The following ACSS3 variants were observed in gnomAD, a reference collection of about 807,000 sequenced individuals.
ACSS3 encodes acyl-CoA synthetase short chain family member 3.
In ACSS3, 64 loss-of-function variants were observed where a neutral mutation model predicts 84.2. The observed-to-expected ratio is 0.76, with a 90% CI of 0.62 to 0.94. ACSS3 has a LOEUF of 0.94. ACSS3 is among the 40% of genes least tolerant of loss of function. The probability of loss-of-function intolerance (pLI) is 0.00; values close to 1 mark genes in which losing one functional copy is unlikely to be tolerated. For synonymous variants in ACSS3, 317 were observed against 310.1 expected (o/e 1.02, Z -0.23); for missense variants, 815 against 867.6 (o/e 0.94, Z 0.76).
intron 10 of ACSS3, among the ~76,000 whole-genome samples, chr12:81,217,700 G>A (rs1159974765): frequency 4.6e-5 from 7 of 151,970 alleles, no homozygotes; most frequent in South Asian, 4.2e-4. Context: ...AAAATTAGCC[G>A]GGTGTGGTGG....
At chr12:81,159,328 A>G (rs1887034588) in intron 7 of ACSS3, among the ~76,000 whole-genome samples, 2 of 152,180 alleles carry the variant, frequency 1.3e-5, no homozygotes, top group Admixed American at 6.5e-5. Flanking sequence ...GAAAAAAGGA[A>G]CAAAATATGC....
intron 13 of ACSS3, among the ~76,000 whole-genome samples, chr12:81,246,214 A>T (rs1485537203): frequency 6.6e-6 from 1 of 152,144 alleles, no homozygotes; most frequent in Non-Finnish European, 1.5e-5. Flanking sequence ...GGAGAAGGGA[A>T]GGGGCACACC....
At chr12:81,200,930 A>C (rs2032076932) in intron 9 of ACSS3, among the ~76,000 whole-genome samples, 1 of 151,772 alleles carries the variant, frequency 6.6e-6, no homozygotes, top group African/African-American at 2.4e-5. Flanking sequence ...AGAAAGAAAA[A>C]AATGTTTTTT....
chr12:81,140,514 T>G (rs1221193644), intron 4 of ACSS3, among the ~76,000 whole-genome samples: 2 of 152,348 alleles, frequency 1.3e-5, no homozygotes, highest in Non-Finnish European at 2.9e-5. Context: ...AACAGAGTGT[T>G]AAAAATATGT....
At chr12:81,147,315 T>C (rs922621718) in intron 5 of ACSS3, among the ~76,000 whole-genome samples, 1 of 152,204 alleles carries the variant, frequency 6.6e-6, no homozygotes, top group African/African-American at 2.4e-5. Context: ...CAAAGAGTGT[T>C]TGTTGAAATA....
In ACSS3 at chr12:81,091,715, A is replaced by G. The variant is rs191749110; in HGVS notation, c.311+13284A>G. Among the ~76,000 whole-genome samples, 73 of 152,266 alleles carry G rather than the reference A, an allele frequency of 4.8e-4. 1 individual carries two copies. Among genetic ancestry groups the G allele is most frequent in the African/African-American group, 1.7e-3 (69 of 41,594 alleles). ...AAAGACAGTATTTGATGGAAATCGT[A>G]TAATACCACTCTTAGATCAAAATCT... On this transcript the variant is annotated intron_variant, in intron 1 of 15. Transcript: ENST00000548058.
chr12:81,156,211 A>ACACT (rs1565695453), intron 7 of ACSS3, among the ~76,000 whole-genome samples: 13 of 147,058 alleles, frequency 8.8e-5, no homozygotes, highest in Non-Finnish European at 3.0e-5. Context: ...CACACACCCC[A>ACACT]CACACACACA....
chr12:81,155,204 T>G (rs1040151049), intron 7 of ACSS3, among the ~76,000 whole-genome samples: 3 of 152,228 alleles, frequency 2.0e-5, no homozygotes, highest in Non-Finnish European at 4.4e-5. Flanking sequence ...TCTTCCATCC[T>G]GACAGCTTGT....
intron 8 of ACSS3, among the ~76,000 whole-genome samples, chr12:81,194,734 T>G (rs2031745059): frequency 6.6e-6 from 1 of 151,958 alleles, no homozygotes; most frequent in Admixed American, 6.6e-5. Context: ...TAATAAATAC[T>G]AAGTTTTAAA....
At chr12:81,092,590 T>TAAAAACTAA (rs2121340037) in intron 1 of ACSS3, among the ~76,000 whole-genome samples, 1 of 152,208 alleles carries the variant, frequency 6.6e-6, no homozygotes, top group South Asian at 2.1e-4. Context: ...TAATTTTAAT[T>TAAAAACTAA]TTATCCCTTT....
rs141510232 is a variant in ACSS3 at position 81,195,725 on chromosome 12, A to T, written c.1251-3616A>T. On this transcript the variant is annotated intron_variant, in intron 8 of 15. Coordinates refer to ENST00000548058, the MANE Select transcript of ACSS3 (RefSeq NM_024560.4). ...CCCTAGCAGCATTGCATACTGTTAG[A>T]GGGTACTCACAAAAGTTATTCAAAA... Among the ~76,000 whole-genome samples, 835 of 152,098 alleles carry T rather than the reference A, an allele frequency of 5.5e-3. 9 individuals carry two copies. Among genetic ancestry groups the T allele is most frequent in the African/African-American group, 0.016 (665 of 41,516 alleles).
intron 7 of ACSS3, 99 bp from the exon 8 acceptor site, chr12:81,174,689 C>T: frequency 8.0e-7 from 1 of 1,255,676 alleles, no homozygotes; most frequent in East Asian, 2.5e-5. Flanking sequence ...TTGAAAACCC[C>T]TTATTATTAA....
At chr12:81,139,551 T>C (rs569529588) in intron 4 of ACSS3, among the ~76,000 whole-genome samples, 1 of 150,226 alleles carries the variant, frequency 6.7e-6, no homozygotes, top group Admixed American at 6.7e-5. Context: ...GCAATAATAA[T>C]AACAAACACG....
intron 1 of ACSS3, among the ~76,000 whole-genome samples, chr12:81,103,763 C>G (rs1565976809): frequency 6.6e-6 from 1 of 151,774 alleles, no homozygotes; most frequent in East Asian, 1.9e-4. Flanking sequence ...CAATATTAAA[C>G]TACTCTAAAG....
intron 10 of ACSS3, 104 bp from the exon 11 acceptor site, chr12:81,219,909 C>G: frequency 1.6e-6 from 1 of 625,694 alleles, no homozygotes; most frequent in Non-Finnish European, 2.4e-6. Context: ...TAAAAGATTA[C>G]TCTCTTAAGC....
chr12:81,237,276 T>C (rs2033661527), intron 13 of ACSS3, among the ~76,000 whole-genome samples: 1 of 151,566 alleles, frequency 6.6e-6, no homozygotes, highest in African/African-American at 2.4e-5. Flanking sequence ...CCTTGACAGA[T>C]AAATTAAAGT....
chr12:81,183,258 G>A (rs1346035676), intron 8 of ACSS3, among the ~76,000 whole-genome samples: 1 of 152,086 alleles, frequency 6.6e-6, no homozygotes, highest in Non-Finnish European at 1.5e-5. Flanking sequence ...AGCCTTTGCT[G>A]GTTACAAGAT....
chr12:81,109,970 T>C (rs1267799728), intron 2 of ACSS3, among the ~76,000 whole-genome samples: 1 of 152,194 alleles, frequency 6.6e-6, no homozygotes, highest in African/African-American at 2.4e-5. Context: ...TCACTCTTCC[T>C]CTGGTCTTTA....
In ACSS3 at chr12:81,139,109, CATT is replaced by C. The variant is rs1885954267; in HGVS notation, c.646-15_646-13del. 1.9e-6 allele frequency: 3 copies of C among 1,606,652 alleles called. No homozygotes were observed. Among genetic ancestry groups the C allele is most frequent in the Non-Finnish European group, 2.6e-6 (3 of 1,176,150 alleles). On this transcript the variant is annotated intron_variant, in intron 3 of 15. Coordinates refer to ENST00000548058, the MANE Select transcript of ACSS3 (RefSeq NM_024560.4). ...ATTAACATTGTTAAAGCTTTCTCTCCATTATTATTTTTTAATTGTAGCCCAAGG... is the reference window on the plus strand; with the variant it reads ...ATTAACATTGTTAAAGCTTTCTCTCCATTATTTTTTAATTGTAGCCCAAGG...
Sources: gnomAD v4.1 joint callset for allele counts (sites outside exome capture counted in the v4.1 genomes callset) on GRCh38, gnomAD v4.1.1 for gene constraint, MANE v1.5 for transcripts, NCBI Gene and HGNC (gene_info 2026-07-23, HGNC 2026-07-21) for gene names.